Variants in EIF4A3 observed in about 807,000 individuals in gnomAD.
The protein encoded by EIF4A3 is eukaryotic initiation factor 4A-III.
In EIF4A3, 1 loss-of-function variant was observed where a neutral mutation model predicts 55.6. That is an observed-to-expected ratio of 0.02 (90% CI 0.01 to 0.09). The LOEUF (loss-of-function observed/expected upper bound fraction) is 0.09. Ranked by LOEUF, EIF4A3 falls within the 10% of genes least tolerant of loss-of-function variation. The pLI is 1.00. For missense variants in EIF4A3, 221 were observed against 540.7 expected, an observed-to-expected ratio of 0.41 and a Z score of 5.86; for synonymous variants, 194 against 196.3, an observed-to-expected ratio of 0.99 and a Z score of 0.10.
chr17:80,138,232 C>G lies in EIF4A3; in HGVS notation c.777G>C (p.Glu259Asp). ...EGIKQFFVAVEREEWKFDTLC... is the reference protein window; with the variant it reads ...EGIKQFFVAVDREEWKFDTLC... The stretch of plus-strand genomic sequence containing the variant: ...GAGTGTCAAATTTCCACTCTTCCCT[C>G]TCCACTGCCACGAAAAATTGCTTGA... Residue 259 changes from glutamate (E) to aspartate (D), a missense_variant, in exon 8 of 12, where the codon GAG (glutamate) becomes GAC (aspartate). Coordinates refer to ENST00000649764, the MANE Select transcript of EIF4A3 (RefSeq NM_014740.4). 6.2e-7 allele frequency: 1 copy of G among 1,614,132 alleles called. No homozygotes were observed. Among genetic ancestry groups the G allele is most frequent in the Non-Finnish European group, 8.5e-7 (1 of 1,180,034 alleles).
chr17:80,143,344 A>G (rs1031900183), intron 2 of EIF4A3, among the ~76,000 whole-genome samples: 1 of 152,202 alleles, frequency 6.6e-6, no homozygotes, highest in Non-Finnish European at 1.5e-5. Flanking sequence ...GTTCCAGCAA[A>G]TTAATCCAAC....
chr17:80,143,777 G>A (rs968102748), intron 2 of EIF4A3, among the ~76,000 whole-genome samples: 2 of 150,244 alleles, frequency 1.3e-5, no homozygotes, highest in African/African-American at 4.9e-5. Flanking sequence ...TCAGGAGTTT[G>A]AGACCAGCCT....
chr17:80,136,185 A>G, intron 10 of EIF4A3, 43 bp downstream of exon 10: 1 of 1,613,414 alleles, frequency 6.2e-7, no homozygotes, highest in East Asian at 2.2e-5. Flanking sequence ...AAGATTTAGT[A>G]AATGTGTCAC....
intron 7 of EIF4A3, 92 bp from the exon 8 acceptor site, chr17:80,138,372 A>C (rs1267072636): frequency 6.7e-7 from 1 of 1,500,956 alleles, no homozygotes; most frequent in Non-Finnish European, 9.1e-7. Flanking sequence ...ACCCTGGTGG[A>C]AAAGGTCACA....
intron 4 of EIF4A3, 152 bp from the exon 5 acceptor site, chr17:80,140,292 G>T: frequency 2.7e-5 from 24 of 897,164 alleles, no homozygotes; most frequent in Non-Finnish European, 3.5e-5. Flanking sequence ...TCTTTTCTCT[G>T]ACAAAAACAA....
At chr17:80,135,844 G>A (rs939875491) in intron 11 of EIF4A3, 160 bp downstream of exon 11, 33 of 934,508 alleles carry the variant, frequency 3.5e-5, no homozygotes, top group Middle Eastern at 3.4e-4. Context: ...GCAGTGAGCC[G>A]AAATCGCGCC....
rs2039596689 is a variant in EIF4A3, at chr17:80,139,015, T to G, written c.728+6A>C. On this transcript the variant is annotated splice_donor_region_variant and intron_variant, in intron 7 of 11. Coordinates refer to ENST00000649764, the MANE Select transcript of EIF4A3 (RefSeq NM_014740.4). ...TTTTAGTAAACTTGACAAGAGGGGC[T>G]CCTACCGTTTCACCAAGATGCGGAT... 6.2e-7 allele frequency: 1 copy of G among 1,613,802 alleles called. No homozygotes were observed. Among genetic ancestry groups the G allele is most frequent in the Non-Finnish European group, 8.5e-7 (1 of 1,179,878 alleles).
At position 80,136,050 on chromosome 17, in the gene EIF4A3, A is replaced by G; in HGVS notation, c.1173T>C (p.Asp391=). 4 of 1,614,196 alleles carry G rather than the reference A, an allele frequency of 2.5e-6. No individual in the cohort carries two copies. Among genetic ancestry groups the G allele is most frequent in the African/African-American group, 2.7e-5 (2 of 75,050 alleles). ...VKNDDIRILR[D]IEQYYSTQID... ...TCTGAGTGGAATAGTACTGCTCGAT[A>G]TCTCTGAGGATGCGGATGTCGTCAT... Residue 391 remains aspartate, a synonymous_variant, in exon 11 of 12, where the codon GAT becomes GAC. Transcript: ENST00000649764.
chr17:80,135,499 A>G lies in EIF4A3; in HGVS notation c.1227T>C (p.Asp409=), dbSNP rs201655951. The part of the protein sequence containing the change: ...QIDEMPMNVA[D]LI ...CCACTGATCTGCTGCTTCAGATAAGATCAGCAACTGAAAGTGAAGAAAGAA... is the reference window on the plus strand; with the variant it reads ...CCACTGATCTGCTGCTTCAGATAAGGTCAGCAACTGAAAGTGAAGAAAGAA... The change falls in exon 12 of 12, where the codon GAT becomes GAC. Residue 409 remains aspartate (D), a synonymous_variant. Transcript: ENST00000649764. 2 of 1,558,262 alleles carry G rather than the reference A, an allele frequency of 1.3e-6. No homozygotes were observed. The highest frequency in any genetic ancestry group is 1.7e-6 in the Non-Finnish European group (2 of 1,150,184).
chr17:80,140,302 AG>A (rs2039606806), intron 4 of EIF4A3, 162 bp from the exon 5 acceptor site: 1 of 926,580 alleles, frequency 1.1e-6, no homozygotes, highest in Non-Finnish European at 1.5e-6. Context: ...GACAAAAACA[AG>A]TTAATTTTGC....
intron 6 of EIF4A3, 174 bp from the exon 7 acceptor site, chr17:80,139,336 T>G: frequency 1.2e-6 from 1 of 809,732 alleles, no homozygotes; most frequent in Non-Finnish European, 1.9e-6. Flanking sequence ...CCGTCCCTAC[T>G]CCCCGCCCAC....
In EIF4A3 at chr17:80,136,224, T is replaced by A. The variant is rs763825354; in HGVS notation, c.1091+4A>T. 1 of 1,613,644 alleles carries A rather than the reference T, an allele frequency of 6.2e-7. No homozygotes were observed. The highest frequency in any genetic ancestry group is 8.5e-7 in the Non-Finnish European group (1 of 1,179,604). On this transcript the variant is annotated splice_donor_region_variant and intron_variant, in intron 10 of 11. Transcript: ENST00000649764. Reference sequence around the variant, plus strand: ...AGTGAAGCCAATGAGAGCTTGCACCTTACCTGTGTATGTACAATTCTCTGT... The same window carrying A: ...AGTGAAGCCAATGAGAGCTTGCACCATACCTGTGTATGTACAATTCTCTGT...
At chr17:80,136,633 G>T (rs2039572717) in intron 9 of EIF4A3, 1 of 336,310 alleles carries the variant, frequency 3.0e-6, no homozygotes, top group African/African-American at 2.1e-5. Context: ...CAATAATTGG[G>T]AAAAATACTT....
In EIF4A3 at chr17:80,144,792, CTGCAGGGTGTCCTATGT is replaced by C. The variant is rs569747744; in HGVS notation, c.170-565_170-549del. Among the ~76,000 whole-genome samples, 81 of 152,348 alleles carry C rather than the reference CTGCAGGGTGTCCTATGT, an allele frequency of 5.3e-4. No homozygotes were observed. In the East Asian group the frequency reaches 0.013, roughly 24 times the overall value. ...CTCTGTTTAACCTGCGTGGGTCACG[CTGCAGGGTGTCCTATGT>C]TGTTCTGTCTGGATGCAGCTCACTA... is the stretch of plus-strand genomic sequence containing the variant. On this transcript the variant is annotated intron_variant, in intron 1 of 11. Transcript: ENST00000649764.
chr17:80,141,921 G>T, intron 2 of EIF4A3, 73 bp from the exon 3 acceptor site: 1 of 1,253,958 alleles, frequency 8.0e-7, no homozygotes, highest in Non-Finnish European at 1.2e-6. Flanking sequence ...CAAGGCCTGG[G>T]CTCCAGAGGC....
Position 80,139,654 on chromosome 17 carries a change from C to A in EIF4A3, c.586+16G>T, listed in dbSNP as rs762692914. 1.2e-6 allele frequency: 2 copies of A among 1,606,152 alleles called. No individual in the cohort carries two copies. The highest frequency in any genetic ancestry group is 1.7e-6 in the Non-Finnish European group (2 of 1,175,256). ...GAATTATGTCAGTAGAAGAGTAATTCTTTTGTTGCTCATACCTTTATTCAA... is the reference window on the plus strand; with the variant it reads ...GAATTATGTCAGTAGAAGAGTAATTATTTTGTTGCTCATACCTTTATTCAA... On this transcript the variant is annotated intron_variant, in intron 6 of 11. Transcript: ENST00000649764.
chr17:80,143,453 G>A (rs1233262723), intron 2 of EIF4A3, among the ~76,000 whole-genome samples: 1 of 152,116 alleles, frequency 6.6e-6, no homozygotes, highest in Non-Finnish European at 1.5e-5. Context: ...GTAGTCATGG[G>A]GACTGAGCCG....
At chr17:80,145,566 G>A (rs115429029) in intron 1 of EIF4A3, among the ~76,000 whole-genome samples, 1,737 of 152,218 alleles carry the variant, frequency 0.011, 41 homozygotes, top group African/African-American at 0.04. Context: ...CTGTCAGAAG[G>A]AAAAGGAAGA....
intron 9 of EIF4A3, chr17:80,136,706 C>T (rs757070240): frequency 2.5e-5 from 5 of 203,200 alleles, no homozygotes; most frequent in Non-Finnish European, 4.0e-5. Context: ...CGGCTTATGC[C>T]TGTAATCCCA....
Sources: gnomAD v4.1 joint callset for allele counts (sites outside exome capture counted in the v4.1 genomes callset) on GRCh38, gnomAD v4.1.1 for gene constraint, MANE v1.5 for transcripts, NCBI Gene and HGNC (gene_info 2026-07-23, HGNC 2026-07-21) for gene names.